The following GRID2IP variants were observed in gnomAD, a reference collection of about 807,000 sequenced individuals.
The protein encoded by GRID2IP is delphilin.
A neutral mutation model predicts 114.3 loss-of-function variants in GRID2IP; 78 were observed. That is an observed-to-expected ratio of 0.68 (90% CI 0.57 to 0.82). GRID2IP has a LOEUF of 0.82. Ranked by LOEUF, GRID2IP falls within the 40% of genes least tolerant of loss-of-function variation. GRID2IP has a pLI of 0.00. For missense variants in GRID2IP, 1,727 were observed against 1,678.5 expected, an observed-to-expected ratio of 1.03 and a Z score of -0.51; for synonymous variants, 809 against 724.0, an observed-to-expected ratio of 1.12 and a Z score of -1.89.
Position 6,497,849 on chromosome 7 carries a change from G to C in GRID2IP, c.3565-4C>G, listed in dbSNP as rs888542068. On this transcript the variant is annotated splice_region_variant and splice_polypyrimidine_tract_variant and intron_variant, in intron 21 of 21. Transcript: ENST00000457091. ...CCTGCAGGTCACTCAGCGCTCGCTG[G>C]GGAGGGGGAACACAGAGGTAGGGTG... is the stretch of plus-strand genomic sequence containing the variant. 2 of 1,549,184 alleles carry C rather than the reference G, an allele frequency of 1.3e-6. No individual in the cohort carries two copies. The highest frequency in any genetic ancestry group is 2.7e-5 in the African/African-American group (2 of 73,020).
In GRID2IP at chr7:6,509,747, T is replaced by C. The variant is rs936523064; in HGVS notation, c.1772-434A>G. Among the ~76,000 whole-genome samples, 10 of 152,242 alleles carry C rather than the reference T, an allele frequency of 6.6e-5. No individual in the cohort carries two copies. The highest frequency in any genetic ancestry group is 1.2e-4 in the Non-Finnish European group (8 of 68,042). ...ACTGTCTTCCCAGCTGTGCCAACGC[T>C]GGTACAACGCGTTGCACTTGATCAT... On this transcript the variant is annotated intron_variant, in intron 11 of 21. Transcript: ENST00000457091. This position sits in a 1 kb window ranked among gnomAD's most constrained non-coding sequence, Gnocchi z 4.9.
chr7:6,513,218 G>A (rs1256224030), intron 8 of GRID2IP, among the ~76,000 whole-genome samples: 1 of 151,924 alleles, frequency 6.6e-6, no homozygotes, highest in Non-Finnish European at 1.5e-5. Context: ...TGGCAACCAC[G>A]TGAGTTTCTT....
In GRID2IP at chr7:6,521,086, T is replaced by C. The variant is rs1261847807; in HGVS notation, c.1085-325A>G. Among the ~76,000 whole-genome samples, 1 of 152,202 alleles carries C rather than the reference T, an allele frequency of 6.6e-6. No individual in the cohort carries two copies. The highest frequency in any genetic ancestry group is 1.5e-5 in the Non-Finnish European group (1 of 68,036). On this transcript the variant is annotated intron_variant, in intron 6 of 21. Coordinates refer to ENST00000457091, the MANE Select transcript of GRID2IP (RefSeq NM_001145118.2). This position sits in a 1 kb window ranked among gnomAD's most constrained non-coding sequence, Gnocchi z 4.1. ...CCTGGGTTCAAGTGATTCTCTTGCCTCAGCCTCCCAAGTAGCTGGGACTAC... is the reference window on the plus strand; with the variant it reads ...CCTGGGTTCAAGTGATTCTCTTGCCCCAGCCTCCCAAGTAGCTGGGACTAC...
chr7:6,498,657 G>C (rs946508736), intron 20 of GRID2IP, among the ~76,000 whole-genome samples: 2 of 137,832 alleles, frequency 1.5e-5, no homozygotes, highest in Non-Finnish European at 1.5e-5. Context: ...ACAGCTCACA[G>C]ATCATTCCAG....
Position 6,539,682 on chromosome 7 carries a change from A to G in GRID2IP, c.584+36T>C, listed in dbSNP as rs1043890245. The G allele has an allele frequency of 1.3e-5, 19 of 1,515,600 alleles. No individual in the cohort carries two copies. The Admixed American group carries it at 4.0e-4, about 32-fold the overall frequency. 93.9% of individuals were successfully genotyped at this position (1,515,600 alleles called of 1,614,324 possible). A position where few individuals can be genotyped will look rare whatever the true frequency, so the allele number is the denominator to read the frequency against. ...GGAATGATGGCTCTAAGTGAGACCC[A>G]CCCTGCCTGTCTATCCTGCCCCCTG... On this transcript the variant is annotated intron_variant, in intron 2 of 21. Transcript: ENST00000457091.
intron 1 of GRID2IP, 135 bp from the exon 2 acceptor site, chr7:6,540,007 C>T (rs1779788052): frequency 1.6e-6 from 1 of 632,912 alleles, no homozygotes; most frequent in Non-Finnish European, 2.7e-6. Flanking sequence ...GAGTGCTATG[C>T]CCATATCATG....
In GRID2IP at chr7:6,526,349, G is replaced by A. The variant is rs989289554; in HGVS notation, c.834-40C>T. 4.6e-6 allele frequency: 7 copies of A among 1,534,100 alleles called. No individual in the cohort carries two copies. Among genetic ancestry groups the A allele is most frequent in the Admixed American group, 2.0e-5 (1 of 50,964 alleles). On this transcript the variant is annotated intron_variant, in intron 3 of 21. Coordinates refer to ENST00000457091, the MANE Select transcript of GRID2IP (RefSeq NM_001145118.2). The surrounding 1 kb of genome is among the most constrained non-coding windows in gnomAD (Gnocchi z 7.6). ...AGGGGCGAGCAGCATGATGGAGAGG[G>A]GGCCCTGGGGCGCAGAGGTTGGAGA...
rs567111970 is a variant in GRID2IP at position 6,538,343 on chromosome 7, G to A, written c.584+1375C>T. On this transcript the variant is annotated intron_variant, in intron 2 of 21. Coordinates refer to ENST00000457091, the MANE Select transcript of GRID2IP (RefSeq NM_001145118.2). ...ATCATGGCACTACCCTCCTGCCTGG[G>A]TGACAGAGCGAGACCCTGTCTCAAA... Among the ~76,000 whole-genome samples the A allele has an allele frequency of 9.9e-5, 15 of 151,812 alleles. No individual in the cohort carries two copies. The South Asian group carries it at 2.7e-3, about 27-fold the overall frequency.
Position 6,502,070 on chromosome 7 carries a change from G to A in GRID2IP, c.3199C>T (p.Leu1067Phe), listed in dbSNP as rs1211714918. 5 of 1,551,458 alleles carry A rather than the reference G, an allele frequency of 3.2e-6. No homozygotes were observed. The highest frequency in any genetic ancestry group is 3.5e-6 in the Non-Finnish European group (4 of 1,146,926). The change falls in exon 19 of 22, where the codon CTT becomes TTT. Residue 1067 changes from leucine to phenylalanine, a missense_variant. Physicochemically the swap from Leu to Phe is conservative, Grantham distance 22. Coordinates refer to ENST00000457091, the MANE Select transcript of GRID2IP (RefSeq NM_001145118.2). ...VDGKSTFLHI[L>F]AKSLSQHFPE... is the part of the protein sequence containing the mutation. ...AAGTGCTGGCTCAGCGATTTGGCAAGGATGTGCAGGAAGGTGGACTTCCCA... is the reference window on the plus strand; with the variant it reads ...AAGTGCTGGCTCAGCGATTTGGCAAAGATGTGCAGGAAGGTGGACTTCCCA...
At chr7:6,517,446 A>G (rs1307950755) in intron 7 of GRID2IP, among the ~76,000 whole-genome samples, 17 of 152,142 alleles carry the variant, frequency 1.1e-4, no homozygotes, top group Admixed American at 8.5e-4. Flanking sequence ...ACACAAAACT[A>G]TAAGACCAAA....
intron 2 of GRID2IP, chr7:6,530,987 G>C (rs11772639): frequency 0.3 from 183,340 of 606,768 alleles, 29,053 homozygotes; most frequent in African/African-American, 0.43. Context: ...AGCCCCACCC[G>C]CTTTCAGACC....
Position 6,510,949 on chromosome 7 carries a change from C to A in GRID2IP, c.1514G>T (p.Arg505Leu). Residue 505 changes from arginine to leucine, a missense_variant, in exon 9 of 22, where the codon CGC becomes CTC. Arg to Leu is a moderately radical substitution (Grantham distance 102, BLOSUM62 -2). Transcript: ENST00000457091. ...CTCCAGGCCCTGGGACCGGAGGCTGCGGCGGCACATGGAGGAAGCCCGCAG... is the reference window on the plus strand; with the variant it reads ...CTCCAGGCCCTGGGACCGGAGGCTGAGGCGGCACATGGAGGAAGCCCGCAG... ...SSLRASSMCRRSLRSQGLEAG... is the reference protein window; with the variant it reads ...SSLRASSMCRLSLRSQGLEAG... 1 of 1,548,346 alleles carries A rather than the reference C, an allele frequency of 6.5e-7. No homozygotes were observed. Among genetic ancestry groups the A allele is most frequent in the Non-Finnish European group, 8.7e-7 (1 of 1,145,360 alleles).
At chr7:6,500,639 G>A (rs983573027) in intron 20 of GRID2IP, among the ~76,000 whole-genome samples, 1 of 152,222 alleles carries the variant, frequency 6.6e-6, no homozygotes, top group African/African-American at 2.4e-5. Flanking sequence ...CAGGCCCCAT[G>A]TGCTGCAGTC....
At chr7:6,513,171 C>G (rs577370117) in intron 8 of GRID2IP, among the ~76,000 whole-genome samples, 1 of 152,054 alleles carries the variant, frequency 6.6e-6, no homozygotes, top group Non-Finnish European at 1.5e-5. Flanking sequence ...GGGATGTGGT[C>G]GTGTGCTCAT....
chr7:6,507,796 C>T lies in GRID2IP; in HGVS notation c.2544+189G>A. Among the ~76,000 whole-genome samples, 1 of 152,186 alleles carries T rather than the reference C, an allele frequency of 6.6e-6. No homozygotes were observed. The highest frequency in any genetic ancestry group is 6.5e-5 in the Admixed American group (1 of 15,274). ...AGTGTGTGTCTTTGGCTGAGGGACA[C>T]AGATTGGCTTCAATGCCTGCAGTGG... On this transcript the variant is annotated intron_variant, in intron 13 of 21. Transcript: ENST00000457091. The surrounding 1 kb of genome is among the most constrained non-coding windows in gnomAD (Gnocchi z 5.3).
At chr7:6,514,099 AAAG>A (rs1434881899) in intron 8 of GRID2IP, among the ~76,000 whole-genome samples, 4 of 152,252 alleles carry the variant, frequency 2.6e-5, no homozygotes, top group East Asian at 3.9e-4. Flanking sequence ...TAAAAACACA[AAAG>A]AATAGCTGGG....
chr7:6,497,275 A>T lies in GRID2IP; in HGVS notation c.*499T>A, dbSNP rs758414929. On this transcript the variant is annotated 3_prime_UTR_variant, in exon 22 of 22. Transcript: ENST00000457091. Reference sequence around the variant, plus strand: ...TCTCTCTTCCTGTGTCCCTGAAGCCAGCTTCCAAGGCCCAGGCTGGGCGTG... The same window carrying T: ...TCTCTCTTCCTGTGTCCCTGAAGCCTGCTTCCAAGGCCCAGGCTGGGCGTG... Among the ~76,000 whole-genome samples the T allele has an allele frequency of 1.3e-5, 2 of 152,196 alleles. No individual in the cohort carries two copies. Among genetic ancestry groups the T allele is most frequent in the Admixed American group, 1.3e-4 (2 of 15,282 alleles).
intron 1 of GRID2IP, 33 bp from the exon 2 acceptor site, chr7:6,539,905 G>A: frequency 6.5e-7 from 1 of 1,539,238 alleles, no homozygotes; most frequent in Non-Finnish European, 8.8e-7. Flanking sequence ...TGACCAAAAG[G>A]GATCCAGAGT....
In GRID2IP at chr7:6,509,744, C is replaced by T. The variant is rs574933691; in HGVS notation, c.1772-431G>A. On this transcript the variant is annotated intron_variant, in intron 11 of 21. Coordinates refer to ENST00000457091, the MANE Select transcript of GRID2IP (RefSeq NM_001145118.2). This position sits in a 1 kb window ranked among gnomAD's most constrained non-coding sequence, Gnocchi z 4.9. ...GCAACTGTCTTCCCAGCTGTGCCAA[C>T]GCTGGTACAACGCGTTGCACTTGAT... 4.3e-4 allele frequency among the ~76,000 whole-genome samples: 66 copies of T among 152,228 alleles called. No homozygotes were observed. The highest frequency in any genetic ancestry group is 7.5e-4 in the Non-Finnish European group (51 of 68,044).
Sources: allele counts gnomAD v4.1 joint callset (sites outside exome capture counted in the v4.1 genomes callset), GRCh38; gene constraint gnomAD v4.1.1; non-coding constraint Gnocchi (gnomAD v3.1); transcripts MANE v1.5; gene names NCBI Gene and HGNC (gene_info 2026-07-23, HGNC 2026-07-21).